Variants in C10orf67 observed in about 807,000 individuals in gnomAD.
C10orf67 encodes chromosome 10 open reading frame 67, also known as uncharacterized protein C10orf67, mitochondrial.
In C10orf67, 60 loss-of-function variants were observed where a neutral mutation model predicts 35.6. The ratio of observed to expected loss-of-function variants is 1.68; its 90% CI spans 1.37 to 2.09. C10orf67 has a LOEUF of 2.09. C10orf67 is among the 30% of genes most tolerant of loss of function. C10orf67 has a pLI of 0.00. For missense variants in C10orf67, 474 were observed against 330.2 expected (o/e 1.44, Z -3.38); for synonymous variants, 167 against 115.8 (o/e 1.44, Z -2.84).
chr10:23,298,684 G>T (rs1843970248), intron 5 of C10orf67, among the ~76,000 whole-genome samples: 2 of 152,160 alleles, frequency 1.3e-5, no homozygotes, highest in Non-Finnish European at 2.9e-5. Context: ...CCTCACTGAG[G>T]GTCCTGGTGC....
intron 5 of C10orf67, among the ~76,000 whole-genome samples, chr10:23,294,657 G>A (rs1843824303): frequency 6.6e-6 from 1 of 152,140 alleles, no homozygotes; most frequent in Non-Finnish European, 1.5e-5. Context: ...AGCTATTGAA[G>A]TAATTTGATA....
intron 10 of C10orf67, among the ~76,000 whole-genome samples, chr10:23,262,677 T>C (rs573278686): frequency 3.9e-5 from 6 of 152,332 alleles, no homozygotes; most frequent in African/African-American, 1.4e-4. Flanking sequence ...TTTGACAACA[T>C]CTTTTCATGT....
At chr10:23,310,157 A>C (rs1844442478) in intron 4 of C10orf67, among the ~76,000 whole-genome samples, 1 of 152,224 alleles carries the variant, frequency 6.6e-6, no homozygotes, top group Non-Finnish European at 1.5e-5. Context: ...ACTTTCAGGA[A>C]GACACCATGG....
chr10:23,206,453 T>C (rs902734703), intron 15 of C10orf67, among the ~76,000 whole-genome samples: 2 of 152,246 alleles, frequency 1.3e-5, no homozygotes, highest in Admixed American at 6.5e-5. Flanking sequence ...TATATGTATA[T>C]GCATGTATAT....
At chr10:23,306,722 T>C (rs1844299592) in intron 4 of C10orf67, among the ~76,000 whole-genome samples, 1 of 152,112 alleles carries the variant, frequency 6.6e-6, no homozygotes, top group African/African-American at 2.4e-5. Flanking sequence ...GAGCAGATCT[T>C]GTGTCCTTAC....
At chr10:23,257,631 T>C (rs906688196) in intron 10 of C10orf67, among the ~76,000 whole-genome samples, 6 of 152,118 alleles carry the variant, frequency 3.9e-5, no homozygotes, top group African/African-American at 1.4e-4. Flanking sequence ...GGCAAAATTC[T>C]ATCTCTATAA....
intron 7 of C10orf67, among the ~76,000 whole-genome samples, chr10:23,285,324 A>G (rs974089277): frequency 6.6e-6 from 1 of 150,422 alleles, no homozygotes; most frequent in Admixed American, 6.6e-5. Context: ...AAAAAAAAAA[A>G]TCAAGCAGAT....
At chr10:23,235,172 A>T (rs1842016663) in intron 13 of C10orf67, among the ~76,000 whole-genome samples, 1 of 152,176 alleles carries the variant, frequency 6.6e-6, no homozygotes, top group Non-Finnish European at 1.5e-5. Context: ...CGTAGTTGGA[A>T]ATAGACTCAT....
At chr10:23,223,434 C>A (rs2132106808) in intron 15 of C10orf67, among the ~76,000 whole-genome samples, 164 bp downstream of exon 15, 1 of 152,246 alleles carries the variant, frequency 6.6e-6, no homozygotes, top group East Asian at 1.9e-4. Context: ...TATTAGTATT[C>A]TTTTATTCAG....
intron 8 of C10orf67, among the ~76,000 whole-genome samples, chr10:23,281,365 ATTC>A (rs1448851085): frequency 6.6e-6 from 1 of 152,240 alleles, no homozygotes; most frequent in Non-Finnish European, 1.5e-5. Flanking sequence ...ACAGTATCAT[ATTC>A]TTTTCAAGCA....
intron 13 of C10orf67, among the ~76,000 whole-genome samples, chr10:23,232,850 C>T (rs1025686557): frequency 1.6e-4 from 25 of 152,176 alleles, no homozygotes; most frequent in African/African-American, 6.0e-4. Context: ...CCAGATCCCA[C>T]AACAGCAGTC....
At chr10:23,212,171 A>G (rs1841327027) in intron 15 of C10orf67, among the ~76,000 whole-genome samples, 1 of 152,244 alleles carries the variant, frequency 6.6e-6, no homozygotes, top group Non-Finnish European at 1.5e-5. Flanking sequence ...AATGTCATCT[A>G]CAGGTAAAGG....
chr10:23,268,173 T>C (rs1206780117), intron 8 of C10orf67, among the ~76,000 whole-genome samples: 4 of 152,110 alleles, frequency 2.6e-5, no homozygotes, highest in Non-Finnish European at 4.4e-5. Context: ...TGTGTACCTA[T>C]AGTCCCAGCT....
chr10:23,337,126 TATGAATGA>T lies in C10orf67; in HGVS notation c.207-3952_207-3945del, dbSNP rs562404120. ...ATAGGAATCCATCAATCCATACTGA[TATGAATGA>T]ATGAATGAATGAATGAACAAATAAA... On this transcript the variant is annotated intron_variant, in intron 1 of 15. Coordinates refer to ENST00000636213, the MANE Select transcript of C10orf67 (RefSeq NM_001371909.1). Among the ~76,000 whole-genome samples the T allele has an allele frequency of 3.3e-5, 5 of 152,078 alleles. No individual in the cohort carries two copies. The East Asian group carries it at 7.7e-4, about 23-fold the overall frequency.
chr10:23,295,472 T>G (rs951960368), intron 5 of C10orf67, among the ~76,000 whole-genome samples: 1 of 152,226 alleles, frequency 6.6e-6, no homozygotes, highest in African/African-American at 2.4e-5. Context: ...CATAAACGGA[T>G]GGCCATAAGG....
At chr10:23,224,721 C>T (rs896776231) in intron 13 of C10orf67, among the ~76,000 whole-genome samples, 3 of 152,116 alleles carry the variant, frequency 2.0e-5, no homozygotes, top group Admixed American at 6.6e-5. Context: ...ACAAGAACTA[C>T]GTGACGAATG....
chr10:23,207,053 G>A (rs1331996901), intron 15 of C10orf67, among the ~76,000 whole-genome samples: 8 of 151,726 alleles, frequency 5.3e-5, no homozygotes, highest in Non-Finnish European at 1.2e-4. Flanking sequence ...TACTACAAAT[G>A]TTTCATTGCA....
intron 2 of C10orf67, among the ~76,000 whole-genome samples, chr10:23,328,993 C>CAAAAAAAAAAAAAAAAAAAGAAAG (rs1845312488): frequency 1.3e-5 from 1 of 78,732 alleles, no homozygotes; most frequent in Non-Finnish European, 2.5e-5. Context: ...CATAAACGAA[C>CAAAAAAAAAAAAAAAAAAAGAAAG]AAAAAAAAAA....
intron 8 of C10orf67, among the ~76,000 whole-genome samples, chr10:23,269,468 G>A (rs1221163295): frequency 6.6e-6 from 1 of 152,070 alleles, no homozygotes; most frequent in Non-Finnish European, 1.5e-5. Flanking sequence ...AGAAGGAACA[G>A]AGGAATGACA....
Sources: gnomAD v4.1 joint callset for allele counts (sites outside exome capture counted in the v4.1 genomes callset) on GRCh38, gnomAD v4.1.1 for gene constraint, MANE v1.5 for transcripts, NCBI Gene and HGNC (gene_info 2026-07-23, HGNC 2026-07-21) for gene names.